The following EXT1 variants were observed in gnomAD, a reference collection of about 807,000 sequenced individuals.
EXT1 encodes exostosin glycosyltransferase 1, also known as exostosin-1.
A neutral mutation model predicts 82.5 loss-of-function variants in EXT1; 20 were observed. The ratio of observed to expected loss-of-function variants is 0.24; its 90% CI spans 0.17 to 0.35. The LOEUF is 0.35. Among genes scored for constraint, EXT1 ranks in the 10% least tolerant of loss-of-function variants. EXT1 has a pLI of 1.00. For synonymous variants in EXT1, 348 were observed against 350.8 expected (o/e 0.99, Z 0.09); for missense variants, 757 against 936.5 (o/e 0.81, Z 2.50).
chr8:118,064,790 C>CTAATTT (rs1816947495), intron 1 of EXT1, among the ~76,000 whole-genome samples: 1 of 152,034 alleles, frequency 6.6e-6, no homozygotes, highest in Admixed American at 6.6e-5. Flanking sequence ...TTTACACTCC[C>CTAATTT]ACCAACAGTG....
chr8:117,801,905 C>T (rs2129686032), intron 10 of EXT1, among the ~76,000 whole-genome samples: 1 of 152,376 alleles, frequency 6.6e-6, no homozygotes, highest in Non-Finnish European at 1.5e-5. Context: ...AGTTTACACT[C>T]ATTCCTATTC....
At chr8:117,996,538 T>C (rs1301225986) in intron 1 of EXT1, among the ~76,000 whole-genome samples, 1 of 152,172 alleles carries the variant, frequency 6.6e-6, no homozygotes, top group African/African-American at 2.4e-5. Flanking sequence ...AGAGACCCTA[T>C]ACATCGTGGA....
chr8:117,911,015 C>T (rs1346226960), intron 1 of EXT1, among the ~76,000 whole-genome samples: 1 of 152,130 alleles, frequency 6.6e-6, no homozygotes, highest in Non-Finnish European at 1.5e-5. Flanking sequence ...TCGAGCTGTC[C>T]AAGGCTGATT....
intron 1 of EXT1, among the ~76,000 whole-genome samples, chr8:118,025,665 A>C (rs1383511484): frequency 6.6e-6 from 1 of 152,218 alleles, no homozygotes; most frequent in East Asian, 1.9e-4. Flanking sequence ...TGAGAGGCTA[A>C]ATGATGGGGC....
At chr8:117,941,249 G>A (rs907372330) in intron 1 of EXT1, among the ~76,000 whole-genome samples, 4 of 152,136 alleles carry the variant, frequency 2.6e-5, no homozygotes, top group Non-Finnish European at 4.4e-5. Context: ...GATGAATGCC[G>A]GCAGCTCTAC....
At chr8:117,892,675 T>C (rs898925160) in intron 1 of EXT1, among the ~76,000 whole-genome samples, 1 of 152,052 alleles carries the variant, frequency 6.6e-6, no homozygotes, top group Non-Finnish European at 1.5e-5. Context: ...AGGTGGGAAA[T>C]GGAAGCAGGG....
intron 1 of EXT1, among the ~76,000 whole-genome samples, chr8:118,016,652 C>A (rs72673988): frequency 0.03 from 4,643 of 152,300 alleles, 73 homozygotes; most frequent in Non-Finnish European, 0.038. Flanking sequence ...ATCTTCTGCT[C>A]TGCATTATGC....
At chr8:117,997,062 G>A (rs1464422815) in intron 1 of EXT1, among the ~76,000 whole-genome samples, 1 of 152,006 alleles carries the variant, frequency 6.6e-6, no homozygotes, top group Admixed American at 6.6e-5. Flanking sequence ...TTTAGCAGTA[G>A]CAGTCGTTAA....
At chr8:117,867,260 G>GAAAAAAAAAAAAAA (rs372575361) in intron 1 of EXT1, among the ~76,000 whole-genome samples, 6 of 98,902 alleles carry the variant, frequency 6.1e-5, no homozygotes, top group Non-Finnish European at 5.9e-5. Flanking sequence ...CTCCACCTCA[G>GAAAAAAAAAAAAAA]AAAAAAAAAA....
In EXT1 at chr8:117,968,820, C is replaced by T. The variant is rs894017624; in HGVS notation, c.963-131619G>A. Among the ~76,000 whole-genome samples the T allele has an allele frequency of 9.3e-5, 6 of 64,550 alleles. 2 individuals are homozygous for T. Among genetic ancestry groups the T allele is most frequent in the East Asian group, 3.2e-4 (1 of 3,094 alleles). The allele number at this position is 64,550 out of a possible 152,430, so 42.3% of individuals were successfully genotyped here. A position where few individuals can be genotyped will look rare whatever the true frequency, so the allele number is the denominator to read the frequency against. ...TCCTGACCTTGTGATCCGCCCGCCTCGGCCTCCCAAAGTGCTGGGATTACA... is the reference window on the plus strand; with the variant it reads ...TCCTGACCTTGTGATCCGCCCGCCTTGGCCTCCCAAAGTGCTGGGATTACA... On this transcript the variant is annotated intron_variant, in intron 1 of 10. Transcript: ENST00000378204.
At chr8:117,948,161 A>G (rs1398218001) in intron 1 of EXT1, among the ~76,000 whole-genome samples, 2 of 152,172 alleles carry the variant, frequency 1.3e-5, no homozygotes, top group Non-Finnish European at 2.9e-5. Context: ...GTAAAAAAAA[A>G]TAAGAAATAT....
At chr8:117,812,246 G>C (rs1331795198) in intron 8 of EXT1, among the ~76,000 whole-genome samples, 1 of 152,074 alleles carries the variant, frequency 6.6e-6, no homozygotes, top group Non-Finnish European at 1.5e-5. Flanking sequence ...TGTAAAAATT[G>C]GTTTTCTACC....
At position 118,111,613 on chromosome 8, in the gene EXT1, C is replaced by T. The variant is rs1036931460; in HGVS notation, c.-567G>A. ...AAATCCCTGCATCTCTCTTTATTCC[C>T]TTCTGCAGCGGCTCCAAGACTCCGG... On this transcript the variant is annotated 5_prime_UTR_variant, in exon 1 of 11. Coordinates refer to ENST00000378204, the MANE Select transcript of EXT1 (RefSeq NM_000127.3). 2 of 399,966 alleles carry T rather than the reference C, an allele frequency of 5.0e-6. No individual in the cohort carries two copies. Among genetic ancestry groups the T allele is most frequent in the Admixed American group, 8.7e-5 (2 of 23,030 alleles). 24.8% of individuals were successfully genotyped at this position (399,966 alleles called of 1,614,324 possible).
chr8:117,809,724 G>C (rs1382674671), intron 8 of EXT1, among the ~76,000 whole-genome samples: 1 of 152,012 alleles, frequency 6.6e-6, no homozygotes, highest in Non-Finnish European at 1.5e-5. Context: ...TTATCTCAAA[G>C]TTAAAAGGTA....
intron 1 of EXT1, among the ~76,000 whole-genome samples, chr8:118,031,438 T>C (rs959863013): frequency 6.6e-6 from 1 of 151,946 alleles, no homozygotes; most frequent in African/African-American, 2.4e-5. Context: ...AGCAGGGGAA[T>C]TGCTTGAACC....
intron 1 of EXT1, among the ~76,000 whole-genome samples, chr8:118,029,778 C>A (rs887412983): frequency 6.6e-6 from 1 of 152,218 alleles, no homozygotes. Flanking sequence ...TTACTACTGA[C>A]AAATGCCACT....
chr8:117,932,566 T>C (rs1030421523), intron 1 of EXT1, among the ~76,000 whole-genome samples: 1 of 152,182 alleles, frequency 6.6e-6, no homozygotes, highest in Non-Finnish European at 1.5e-5. Context: ...ACCAGGGTTC[T>C]TGGGTCTGCC....
At chr8:118,047,884 T>A (rs970997523) in intron 1 of EXT1, among the ~76,000 whole-genome samples, 2 of 151,986 alleles carry the variant, frequency 1.3e-5, no homozygotes, top group Non-Finnish European at 2.9e-5. Flanking sequence ...AATCAATCAA[T>A]TAATCAATCA....
intron 1 of EXT1, among the ~76,000 whole-genome samples, chr8:118,078,730 A>G (rs775931709): frequency 5.3e-5 from 8 of 152,224 alleles, no homozygotes; most frequent in Non-Finnish European, 1.0e-4. Flanking sequence ...GCTCCTATTC[A>G]TAAATAGGGA....
Sources: allele counts gnomAD v4.1 joint callset (sites outside exome capture counted in the v4.1 genomes callset), GRCh38; gene constraint gnomAD v4.1.1; transcripts MANE v1.5; gene names NCBI Gene and HGNC (gene_info 2026-07-23, HGNC 2026-07-21).